Variants in PAAF1 observed in about 807,000 individuals in gnomAD.
The protein encoded by PAAF1 is proteasomal ATPase associated factor 1, also known as proteasomal ATPase-associated factor 1.
Under a neutral mutation model 52.8 loss-of-function variants are expected in PAAF1, and 46 were observed. The ratio of observed to expected loss-of-function variants is 0.87; its 90% CI spans 0.69 to 1.11. PAAF1 has a LOEUF of 1.11. PAAF1 is among the 50% of genes most tolerant of loss of function. The pLI, the probability that PAAF1 is intolerant of heterozygous loss-of-function variation, is 0.00. For missense variants in PAAF1, 424 were observed against 477.4 expected (o/e 0.89, Z 1.04); for synonymous variants, 178 against 172.8 (o/e 1.03, Z -0.24).
intron 6 of PAAF1, among the ~76,000 whole-genome samples, chr11:73,908,048 C>T (rs1200152968): frequency 6.6e-6 from 1 of 151,954 alleles, no homozygotes; most frequent in African/African-American, 2.4e-5. Context: ...CATTCCAAGT[C>T]TTACTATGCT....
At chr11:73,899,512 A>G (rs1023039382) in intron 5 of PAAF1, among the ~76,000 whole-genome samples, 5 of 149,832 alleles carry the variant, frequency 3.3e-5, no homozygotes, top group African/African-American at 4.9e-5. Flanking sequence ...CCTGGGTTCA[A>G]GCGATTCTTG....
In PAAF1 at chr11:73,928,232, C is replaced by A. The variant is rs1950408768; in HGVS notation, c.*870C>A. On this transcript the variant is annotated 3_prime_UTR_variant, in exon 12 of 12. Transcript: ENST00000310571. ...ATGCTAAAGCTTGAGAGCCACTGAT[C>A]TAGAGGAAGAGATGGTGGAGGGCAC... The A allele has an allele frequency of 1.3e-5, 2 of 152,210 alleles. No individual in the cohort carries two copies. The highest frequency in any genetic ancestry group is 2.1e-4 in the South Asian group (1 of 4,834). The allele number at this position is 152,210 out of a possible 1,614,324, so 9.4% of individuals were successfully genotyped here.
At position 73,900,283 on chromosome 11, in the gene PAAF1, G is replaced by A. The variant is rs759133128; in HGVS notation, c.395G>A (p.Gly132Glu). Reference protein sequence around the residue: ...SNGELRRVLEGHVFDVNCCRF... With the variant: ...SNGELRRVLEEHVFDVNCCRF... The stretch of plus-strand genomic sequence containing the variant: ...TTGTTTTTCCAGAGAGTATTGGAAG[G>A]ACATGTGTTTGATGTGAATTGTTGC... The change falls in exon 6 of 12, where the codon GGA becomes GAA. Residue 132 changes from glycine to glutamate, a missense_variant. Coordinates refer to ENST00000310571, the MANE Select transcript of PAAF1 (RefSeq NM_025155.3). The A allele has an allele frequency of 1.2e-6, 2 of 1,608,136 alleles. No individual in the cohort carries two copies. The highest frequency in any genetic ancestry group is 1.7e-6 in the Non-Finnish European group (2 of 1,176,446).
At chr11:73,913,450 T>G (rs1222581991) in intron 7 of PAAF1, among the ~76,000 whole-genome samples, 1 of 152,148 alleles carries the variant, frequency 6.6e-6, no homozygotes, top group African/African-American at 2.4e-5. Context: ...TTTTAAAAAA[T>G]AAATAAAGTT....
intron 11 of PAAF1, among the ~76,000 whole-genome samples, chr11:73,926,751 T>C (rs1330061608): frequency 6.6e-6 from 1 of 152,104 alleles, no homozygotes; most frequent in Non-Finnish European, 1.5e-5. Flanking sequence ...TTCCATATTT[T>C]GAATCAACAC....
At position 73,924,804 on chromosome 11, in the gene PAAF1, T is replaced by C. The variant is rs1950308989; in HGVS notation, c.1101+107T>C. The C allele has an allele frequency of 5.8e-6, 5 of 865,192 alleles. No individual in the cohort carries two copies. The East Asian group carries it at 1.2e-4, about 22-fold the overall frequency. The allele number at this position is 865,192 out of a possible 1,614,324, so 53.6% of individuals were successfully genotyped here. A position where few individuals can be genotyped will look rare whatever the true frequency, so the allele number is the denominator to read the frequency against. On this transcript the variant is annotated intron_variant, in intron 11 of 11. Coordinates refer to ENST00000310571, the MANE Select transcript of PAAF1 (RefSeq NM_025155.3). ...GTGGTCATTAGGGATGATAAAATAG[T>C]GCTTATTGTATAAGCAGTGTGGTAG...
intron 11 of PAAF1, 32 bp downstream of exon 11, chr11:73,924,729 G>A (rs368545851): frequency 8.7e-5 from 136 of 1,562,098 alleles, no homozygotes; most frequent in Non-Finnish European, 4.0e-5. Flanking sequence ...AGACCTGGGT[G>A]ATTCTCATGA....
chr11:73,913,939 A>G (rs578112910), intron 7 of PAAF1, among the ~76,000 whole-genome samples: 2 of 151,970 alleles, frequency 1.3e-5, no homozygotes, highest in East Asian at 1.9e-4. Flanking sequence ...AGTCCCAGCT[A>G]CTCAGGAGGC....
intron 2 of PAAF1, among the ~76,000 whole-genome samples, chr11:73,882,634 G>A (rs36076594): frequency 0.057 from 8,634 of 151,262 alleles, 273 homozygotes; most frequent in Middle Eastern, 0.11. Flanking sequence ...ACGGAGTCTC[G>A]CTCTGTTGCC....
At chr11:73,919,182 G>A (rs1441342603) in intron 10 of PAAF1, 150 bp downstream of exon 10, 8 of 666,262 alleles carry the variant, frequency 1.2e-5, no homozygotes, top group East Asian at 5.7e-5. Flanking sequence ...ATCACTCTAC[G>A]TTGTGATTGT....
chr11:73,895,134 T>C (rs1347529318), intron 4 of PAAF1, among the ~76,000 whole-genome samples: 1 of 152,200 alleles, frequency 6.6e-6, no homozygotes, highest in African/African-American at 2.4e-5. Context: ...CCCTTATAGA[T>C]CTTACATGCT....
chr11:73,902,373 G>A (rs1038131577), intron 6 of PAAF1, among the ~76,000 whole-genome samples: 1 of 152,190 alleles, frequency 6.6e-6, no homozygotes, highest in African/African-American at 2.4e-5. Context: ...GATTGAAGGA[G>A]TCAGAATGGC....
At chr11:73,905,366 G>A (rs1217224990) in intron 6 of PAAF1, among the ~76,000 whole-genome samples, 1 of 151,902 alleles carries the variant, frequency 6.6e-6, no homozygotes. Context: ...TGGGACTACA[G>A]GTACACGCCA....
intron 4 of PAAF1, among the ~76,000 whole-genome samples, chr11:73,892,667 G>A (rs1949230914): frequency 1.3e-5 from 2 of 151,436 alleles, no homozygotes; most frequent in Admixed American, 6.6e-5. Context: ...GTTTTGTTTT[G>A]TTTTTGTTTT....
intron 9 of PAAF1, among the ~76,000 whole-genome samples, chr11:73,918,434 C>A: frequency 8.1e-6 from 1 of 122,754 alleles, no homozygotes; most frequent in African/African-American, 3.0e-5. Flanking sequence ...GTCACACTTA[C>A]ATATATATTA....
At chr11:73,886,873 G>A (rs571795372) in intron 2 of PAAF1, 4 of 330,718 alleles carry the variant, frequency 1.2e-5, no homozygotes, top group Admixed American at 1.1e-4. Context: ...ATAGATTAAT[G>A]TCCTCCCTGG....
At chr11:73,887,915 A>G (rs1280343543) in intron 3 of PAAF1, among the ~76,000 whole-genome samples, 2 of 151,978 alleles carry the variant, frequency 1.3e-5, no homozygotes, top group Non-Finnish European at 2.9e-5. Context: ...ACACCCAGCT[A>G]ATTTTTGCAT....
At chr11:73,907,767 G>C (rs1372350681) in intron 6 of PAAF1, among the ~76,000 whole-genome samples, 1 of 152,172 alleles carries the variant, frequency 6.6e-6, no homozygotes, top group Non-Finnish European at 1.5e-5. Flanking sequence ...CAGTTTTTCT[G>C]TTGATGTCTA....
In PAAF1 at chr11:73,914,499, C is replaced by G; in HGVS notation, c.814C>G (p.Gln272Glu). ...KLQCLGLQSRQLVFLFIGSDA... is the reference protein window; with the variant it reads ...KLQCLGLQSRELVFLFIGSDA... ...TCAGTGCTTGGGACTACAGAGCAGG[C>G]AGCTGGCAAGTGGTTCCTATATGAC... Residue 272 changes from glutamine (Q) to glutamate (E), a missense_variant, in exon 8 of 12, where the codon CAG (glutamine) becomes GAG (glutamate). Gln to Glu is a conservative substitution (Grantham distance 29). Coordinates refer to ENST00000310571, the MANE Select transcript of PAAF1 (RefSeq NM_025155.3). 6.2e-7 allele frequency: 1 copy of G among 1,613,804 alleles called. No homozygotes were observed. Among genetic ancestry groups the G allele is most frequent in the Non-Finnish European group, 8.5e-7 (1 of 1,179,820 alleles).
Sources: gnomAD v4.1 joint callset for allele counts (sites outside exome capture counted in the v4.1 genomes callset) on GRCh38, gnomAD v4.1.1 for gene constraint, MANE v1.5 for transcripts, NCBI Gene and HGNC (gene_info 2026-07-23, HGNC 2026-07-21) for gene names.